Variants in ALPK2 observed in about 807,000 individuals in gnomAD.
ALPK2 encodes the protein alpha kinase 2.
Under a neutral mutation model 163.1 loss-of-function variants are expected in ALPK2, and 127 were observed. The observed-to-expected ratio is 0.78, with a 90% CI of 0.67 to 0.90. ALPK2 has a LOEUF of 0.90. Ranked by LOEUF, ALPK2 falls within the 40% of genes least tolerant of loss-of-function variation. The probability of loss-of-function intolerance (pLI) is 0.00; values close to 1 mark genes in which losing one functional copy is unlikely to be tolerated. For missense variants in ALPK2, 2,360 were observed against 2,589.6 expected (o/e 0.91, Z 1.92); for synonymous variants, 953 against 959.1 (o/e 0.99, Z 0.12).
At chr18:58,583,776 G>A (rs1053144752) in intron 3 of ALPK2, among the ~76,000 whole-genome samples, 1 of 151,878 alleles carries the variant, frequency 6.6e-6, no homozygotes, top group African/African-American at 2.4e-5. Flanking sequence ...AAAGGCGGGG[G>A]GGCTGTGGCA....
At chr18:58,484,445 A>G (rs1038157409) in intron 12 of ALPK2, among the ~76,000 whole-genome samples, 24 of 152,222 alleles carry the variant, frequency 1.6e-4, no homozygotes, top group African/African-American at 5.8e-4. Flanking sequence ...AACCTGGACA[A>G]TAATTGGTGG....
chr18:58,537,311 CCTT>C lies in ALPK2; in HGVS notation c.2873_2875del (p.Glu958del), dbSNP rs1333782407. 8.7e-6 allele frequency: 14 copies of C among 1,614,146 alleles called. No homozygotes were observed. The highest frequency in any genetic ancestry group is 1.7e-5 in the Admixed American group (1 of 60,028). On this transcript the variant is annotated inframe_deletion, in exon 5 of 13. Transcript: ENST00000361673. ...ACTAGGACTGGGGCTCTTGTCACCTCCTTCTTTAAATTGCACTAAAGGATTGTT... is the reference window on the plus strand; with the variant it reads ...ACTAGGACTGGGGCTCTTGTCACCTCCTTTAAATTGCACTAAAGGATTGTT...
intron 1 of ALPK2, among the ~76,000 whole-genome samples, chr18:58,625,507 A>C (rs1966166397): frequency 6.6e-6 from 1 of 152,266 alleles, no homozygotes; most frequent in Admixed American, 6.5e-5. Flanking sequence ...ACAAGGAAGA[A>C]ATGCAAATTC....
chr18:58,554,493 G>A (rs73447215), intron 4 of ALPK2, among the ~76,000 whole-genome samples: 8,953 of 152,214 alleles, frequency 0.059, 872 homozygotes, highest in African/African-American at 0.2. Context: ...GTAGCATCGC[G>A]GAGTGGGCAC....
At chr18:58,491,810 G>A (rs2051376372) in intron 12 of ALPK2, among the ~76,000 whole-genome samples, 1 of 152,246 alleles carries the variant, frequency 6.6e-6, no homozygotes, top group Non-Finnish European at 1.5e-5. Flanking sequence ...AACTTGTGGG[G>A]CGGTTACAGG....
At chr18:58,490,011 C>T (rs1247461221) in intron 12 of ALPK2, among the ~76,000 whole-genome samples, 2 of 151,766 alleles carry the variant, frequency 1.3e-5, no homozygotes, top group Admixed American at 6.6e-5. Flanking sequence ...AATGAGGTTG[C>T]AGTGAGCCAG....
intron 4 of ALPK2, among the ~76,000 whole-genome samples, chr18:58,559,806 C>G (rs1423852787): frequency 6.6e-6 from 1 of 152,214 alleles, no homozygotes; most frequent in East Asian, 1.9e-4. Flanking sequence ...GGCTGCTTCT[C>G]TGACACCTGA....
In ALPK2 at chr18:58,607,311, T is replaced by C. The variant is rs2052103057; in HGVS notation, c.227+11A>G. ...TATTAGTAAACAGTCCACAGGGGTA[T>C]AGCCACTTACCAAGAGAGATGTAAC... On this transcript the variant is annotated intron_variant, in intron 3 of 12. Transcript: ENST00000361673. 6.3e-6 allele frequency: 10 copies of C among 1,577,662 alleles called. No individual in the cohort carries two copies. The East Asian group carries it at 2.0e-4, about 32-fold the overall frequency.
rs150781757 is a variant in ALPK2 at position 58,626,149 on chromosome 18, A to G, written c.-21+2615T>C. On this transcript the variant is annotated intron_variant, in intron 1 of 12. Transcript: ENST00000361673. ...GCGAAGAATGTATCGAGGTACTCCA[A>G]TGGGCCTGGGAAAGAGCTGTGGGGT... Among the ~76,000 whole-genome samples, 16 of 152,296 alleles carry G rather than the reference A, an allele frequency of 1.1e-4. No homozygotes were observed. The East Asian group carries it at 1.5e-3, about 15-fold the overall frequency.
intron 4 of ALPK2, among the ~76,000 whole-genome samples, chr18:58,571,443 A>AG (rs1568088730): frequency 1.3e-5 from 2 of 151,748 alleles, no homozygotes; most frequent in South Asian, 2.1e-4. Flanking sequence ...AAAAAAAAAA[A>AG]AGAACCTTAA....
chr18:58,526,272 G>A (rs778017618), intron 6 of ALPK2, among the ~76,000 whole-genome samples: 15 of 152,172 alleles, frequency 9.9e-5, no homozygotes, highest in Non-Finnish European at 2.1e-4. Context: ...TTGGCTGCAG[G>A]GAGAGGGTAC....
chr18:58,604,562 G>A (rs193225811), intron 3 of ALPK2, among the ~76,000 whole-genome samples: 2 of 152,106 alleles, frequency 1.3e-5, no homozygotes, highest in African/African-American at 4.8e-5. Flanking sequence ...CAGAACTACC[G>A]GTATAAAAAG....
intron 4 of ALPK2, among the ~76,000 whole-genome samples, chr18:58,559,190 C>T (rs2051811084): frequency 6.6e-6 from 1 of 152,188 alleles, no homozygotes; most frequent in Non-Finnish European, 1.5e-5. Flanking sequence ...ATCCCCACCC[C>T]ATGGGACCTG....
chr18:58,611,048 C>T (rs1467878288), intron 2 of ALPK2, among the ~76,000 whole-genome samples: 2 of 150,098 alleles, frequency 1.3e-5, no homozygotes, highest in East Asian at 3.9e-4. Flanking sequence ...GAGCTGAGAT[C>T]GTGCCATTGC....
chr18:58,599,587 G>T (rs1298455419), intron 3 of ALPK2, among the ~76,000 whole-genome samples: 4 of 152,150 alleles, frequency 2.6e-5, no homozygotes, highest in Non-Finnish European at 5.9e-5. Context: ...GAACAATCAC[G>T]TTAACCACAT....
intron 4 of ALPK2, among the ~76,000 whole-genome samples, chr18:58,542,747 G>T (rs1376180120): frequency 6.6e-6 from 1 of 152,130 alleles, no homozygotes; most frequent in Non-Finnish European, 1.5e-5. Context: ...TGGAATTGCC[G>T]AGAAAAGCAA....
rs145122232 is a variant in ALPK2, at chr18:58,579,715, A to T, written c.1061T>A (p.Val354Asp). The T allele has an allele frequency of 3.7e-5, 60 of 1,614,072 alleles. No homozygotes were observed. The Admixed American group carries it at 6.8e-4, about 18-fold the overall frequency. The stretch of plus-strand genomic sequence containing the variant: ...TTCGTCATCGCTTTCTAATAAAAAA[A>T]CATGCTCAGTCCCCAGCAGGTTCCT... The part of the protein sequence containing the change: ...WQRNLLGTEH[V>D]FLLESDDEEM... Residue 354 changes from valine (V) to aspartate (D), a missense_variant, in exon 4 of 13, where the codon GTT becomes GAT. Transcript: ENST00000361673.
intron 3 of ALPK2, among the ~76,000 whole-genome samples, chr18:58,592,751 A>G (rs1476271148): frequency 6.6e-6 from 1 of 152,212 alleles, no homozygotes; most frequent in African/African-American, 2.4e-5. Context: ...TCAGTACTGC[A>G]TAGTGGTTAA....
At chr18:58,506,892 C>T (rs2051464812) in intron 10 of ALPK2, among the ~76,000 whole-genome samples, 1 of 152,174 alleles carries the variant, frequency 6.6e-6, no homozygotes, top group Non-Finnish European at 1.5e-5. Flanking sequence ...TTCCCGAATC[C>T]TGATCATCAA....
Sources: allele counts gnomAD v4.1 joint callset (sites outside exome capture counted in the v4.1 genomes callset), GRCh38; gene constraint gnomAD v4.1.1; transcripts MANE v1.5; gene names NCBI Gene and HGNC (gene_info 2026-07-23, HGNC 2026-07-21).